NAV2: variants seen among roughly 807,000 people sequenced by gnomAD.
NAV2 encodes neuron navigator 2, also known as helicase, APC down-regulated 1.
NAV2 carries 54 observed loss-of-function variants against 223.2 expected under a neutral mutation model. That is an observed-to-expected ratio of 0.24 (90% CI 0.19 to 0.30). NAV2 has a LOEUF of 0.30. NAV2 is among the 10% of genes least tolerant of loss of function. The pLI, the probability that NAV2 is intolerant of heterozygous loss-of-function variation, is 1.00. For synonymous variants in NAV2, 1,279 were observed against 1,239.3 expected (o/e 1.03, Z -0.67); for missense variants, 2,806 against 3,147.5 (o/e 0.89, Z 2.60).
rs935210516 is a variant in NAV2 at position 19,908,040 on chromosome 11, G to T, written c.931+15446G>T. On this transcript the variant is annotated intron_variant, in intron 6 of 37. Coordinates refer to ENST00000349880, the MANE Select transcript of NAV2 (RefSeq NM_145117.5). ...AAGATGCCCTGGCTCTGGCCTTGAG[G>T]TGTTAGTCAGCATTAGCACTTATGA... 5.3e-5 allele frequency among the ~76,000 whole-genome samples: 8 copies of T among 152,200 alleles called. No individual in the cohort carries two copies. In the South Asian group the frequency reaches 1.7e-3, roughly 32 times the overall value.
At chr11:20,028,101 G>A (rs1377405410) in intron 11 of NAV2, among the ~76,000 whole-genome samples, 2 of 152,122 alleles carry the variant, frequency 1.3e-5, no homozygotes, top group Non-Finnish European at 2.9e-5. Context: ...GTGAAGTCTG[G>A]TTTACTTTCT....
intron 6 of NAV2, among the ~76,000 whole-genome samples, chr11:19,893,665 G>A (rs1591107410): frequency 6.6e-6 from 1 of 152,186 alleles, no homozygotes; most frequent in East Asian, 1.9e-4. Context: ...GCTGACAGAT[G>A]TGTATGGAGA....
At chr11:19,647,422 A>G (rs555061592) in intron 1 of NAV2, among the ~76,000 whole-genome samples, 1 of 152,092 alleles carries the variant, frequency 6.6e-6, no homozygotes, top group Non-Finnish European at 1.5e-5. Flanking sequence ...GCAACACAAA[A>G]TGAGCATCTG....
chr11:19,996,559 A>G (rs1591587223), intron 11 of NAV2, among the ~76,000 whole-genome samples: 1 of 152,204 alleles, frequency 6.6e-6, no homozygotes, highest in Non-Finnish European at 1.5e-5. Flanking sequence ...TAACTGTTTT[A>G]TTGCCAGAAC....
intron 11 of NAV2, among the ~76,000 whole-genome samples, chr11:19,990,160 A>G (rs1201929530): frequency 2.0e-5 from 3 of 152,152 alleles, no homozygotes; most frequent in South Asian, 2.1e-4. Context: ...TTCAAGGAAA[A>G]GGTCCTTTCT....
chr11:19,664,096 G>T (rs1218638216), intron 1 of NAV2, among the ~76,000 whole-genome samples: 1 of 152,222 alleles, frequency 6.6e-6, no homozygotes, highest in Admixed American at 6.5e-5. Flanking sequence ...TGAACCCACA[G>T]CTATACAGGT....
intron 1 of NAV2, among the ~76,000 whole-genome samples, chr11:19,745,517 G>A (rs1049379604): frequency 5.9e-5 from 9 of 151,902 alleles, no homozygotes; most frequent in South Asian, 4.2e-4. Context: ...TCCTGCCCCT[G>A]GCTTTTGACA....
At chr11:19,742,899 C>T (rs564135341) in intron 1 of NAV2, among the ~76,000 whole-genome samples, 26 of 152,314 alleles carry the variant, frequency 1.7e-4, no homozygotes, top group Admixed American at 1.2e-3. Flanking sequence ...CACCTGGTGG[C>T]GTTTCACAGC....
intron 1 of NAV2, among the ~76,000 whole-genome samples, chr11:19,497,067 T>C (rs1590335858): frequency 6.6e-6 from 1 of 152,344 alleles, no homozygotes; most frequent in South Asian, 2.1e-4. Context: ...GAATTAAAGA[T>C]AGTACCCATC....
chr11:19,430,718 C>T (rs1564930848), intron 1 of NAV2, among the ~76,000 whole-genome samples: 1 of 98,466 alleles, frequency 1.0e-5, no homozygotes, highest in Non-Finnish European at 2.6e-5. Flanking sequence ...AGATATGATG[C>T]CAGTCTCCCC....
chr11:19,807,174 T>C (rs1317401387), intron 1 of NAV2, among the ~76,000 whole-genome samples: 3 of 152,214 alleles, frequency 2.0e-5, no homozygotes, highest in Non-Finnish European at 4.4e-5. Flanking sequence ...TTTCTGTTCA[T>C]TCATAGAAAA....
intron 6 of NAV2, among the ~76,000 whole-genome samples, chr11:19,931,171 G>C (rs931444006): frequency 2.6e-5 from 4 of 152,080 alleles, no homozygotes; most frequent in Admixed American, 2.6e-4. Flanking sequence ...ACACCAAGCA[G>C]GCCGCTGATG....
intron 13 of NAV2, among the ~76,000 whole-genome samples, 161 bp from the exon 14 acceptor site, chr11:20,044,807 C>T (rs752650474): frequency 8.5e-4 from 129 of 152,196 alleles, no homozygotes; most frequent in Non-Finnish European, 1.4e-3. Context: ...AAAAGGCTCA[C>T]GGTACATTAG....
chr11:19,493,043 T>C (rs1305010055), intron 1 of NAV2, among the ~76,000 whole-genome samples: 1 of 152,172 alleles, frequency 6.6e-6, no homozygotes, highest in Non-Finnish European at 1.5e-5. Context: ...CTGATAATAA[T>C]CGTCCAGGTC....
At chr11:19,443,125 C>A (rs548227287) in intron 1 of NAV2, among the ~76,000 whole-genome samples, 25 of 152,332 alleles carry the variant, frequency 1.6e-4, no homozygotes, top group African/African-American at 6.0e-4. Context: ...TTCCTTCTTC[C>A]TGAAGTCACA....
At chr11:20,106,435 C>T (rs1184921607) in intron 35 of NAV2, among the ~76,000 whole-genome samples, 1 of 144,554 alleles carries the variant, frequency 6.9e-6, no homozygotes, top group Non-Finnish European at 1.5e-5. Context: ...TGGCATGCAC[C>T]TGTAATCCCA....
At chr11:19,632,374 T>C (rs941285983) in intron 1 of NAV2, among the ~76,000 whole-genome samples, 1 of 152,232 alleles carries the variant, frequency 6.6e-6, no homozygotes, top group Non-Finnish European at 1.5e-5. Flanking sequence ...CTTCCATACA[T>C]ATTTATTGGG....
intron 1 of NAV2, among the ~76,000 whole-genome samples, chr11:19,622,173 C>T (rs1178017297): frequency 6.6e-6 from 1 of 152,176 alleles, no homozygotes; most frequent in Non-Finnish European, 1.5e-5. Context: ...GCTTTACTTC[C>T]AACTACGTGG....
chr11:20,117,766 G>A (rs1031433668), intron 37 of NAV2, among the ~76,000 whole-genome samples: 2 of 152,150 alleles, frequency 1.3e-5, no homozygotes, highest in Admixed American at 6.5e-5. Context: ...TGAAAGGTGT[G>A]CCCCTCCTAA....
Sources: gnomAD v4.1 joint callset for allele counts (sites outside exome capture counted in the v4.1 genomes callset) on GRCh38, gnomAD v4.1.1 for gene constraint, MANE v1.5 for transcripts, NCBI Gene and HGNC (gene_info 2026-07-23, HGNC 2026-07-21) for gene names.